Variants in TYMP observed in about 807,000 individuals in gnomAD.
TYMP encodes the protein thymidine phosphorylase.
A neutral mutation model predicts 42.3 loss-of-function variants in TYMP; 46 were observed. The observed-to-expected ratio is 1.09, with a 90% CI of 0.86 to 1.39. The LOEUF (loss-of-function observed/expected upper bound fraction) is 1.39, where lower values mean the gene tolerates loss of function less well. TYMP is among the 40% of genes most tolerant of loss of function. The probability of loss-of-function intolerance (pLI) is 0.00; values close to 1 mark genes in which losing one functional copy is unlikely to be tolerated. For missense variants in TYMP, 837 were observed against 677.6 expected, an observed-to-expected ratio of 1.24 and a Z score of -2.61; for synonymous variants, 363 against 308.0, an observed-to-expected ratio of 1.18 and a Z score of -1.87.
Position 50,528,256 on chromosome 22 carries a change from C to T in TYMP, c.516+256G>A, listed in dbSNP as rs117675268. ...CTGGGTTCAAGGGATCTGCCCTCTT[C>T]GGCCTCCCCAAGTGCTAGGACTACA... On this transcript the variant is annotated intron_variant, in intron 4 of 9. Coordinates refer to ENST00000252029, the MANE Select transcript of TYMP (RefSeq NM_001953.5). 6,538 of 543,216 alleles carry T rather than the reference C, an allele frequency of 0.012. 76 individuals carry two copies. Among genetic ancestry groups the T allele is most frequent in the Non-Finnish European group, 0.016 (4,611 of 295,890 alleles). The allele number at this position is 543,216 out of a possible 1,614,324, so 33.6% of individuals were successfully genotyped here.
intron 7 of TYMP, 47 bp from the exon 8 acceptor site, chr22:50,526,523 C>T (rs1294904905): frequency 1.3e-6 from 2 of 1,538,052 alleles, no homozygotes; most frequent in Admixed American, 2.0e-5. Flanking sequence ...GGGGCGGCCC[C>T]AGCGGGAAGC....
Position 50,529,298 on chromosome 22 carries a change from C to T in TYMP, c.255G>A (p.Leu85=), listed in dbSNP as rs746301557. 1.2e-6 allele frequency: 2 copies of T among 1,613,406 alleles called. No homozygotes were observed. Among genetic ancestry groups the T allele is most frequent in the African/African-American group, 1.3e-5 (1 of 75,046 alleles). The change falls in exon 3 of 10, where the codon CTG becomes CTA. Residue 85 remains leucine, a synonymous_variant. Coordinates refer to ENST00000252029, the MANE Select transcript of TYMP (RefSeq NM_001953.5). ...LMAIRLRGMD[L]EETSVLTQAL... is the part of the protein sequence containing the mutation. ...CCTGGGTCAGCACCGAGGTCTCCTC[C>T]AGATCCATGCCCCGAAGTCGGATGG...
intron 1 of TYMP, 45 bp from the exon 2 acceptor site, chr22:50,529,764 T>C: frequency 6.5e-7 from 1 of 1,539,436 alleles, no homozygotes; most frequent in African/African-American, 1.4e-5. Context: ...CCTCCCGGCG[T>C]CGGTGTCTGA....
intron 4 of TYMP, 82 bp downstream of exon 4, chr22:50,528,430 A>T: frequency 8.3e-7 from 1 of 1,211,220 alleles, no homozygotes; most frequent in Non-Finnish European, 1.2e-6. Context: ...GACCCTAATG[A>T]TCCACCAGTG....
chr22:50,529,680 C>T lies in TYMP; in HGVS notation c.30G>A (p.Gly10=), dbSNP rs762647784. 36 of 1,611,500 alleles carry T rather than the reference C, an allele frequency of 2.2e-5. No homozygotes were observed. The highest frequency in any genetic ancestry group is 6.6e-5 in the South Asian group (6 of 90,866). The change falls in exon 2 of 10, where the codon GGG becomes GGA. Residue 10 remains glycine, a synonymous_variant. Coordinates refer to ENST00000252029, the MANE Select transcript of TYMP (RefSeq NM_001953.5). ...AGAAGTCACCAGGCGCGGGTGGGGC[C>T]CCGGTTCCCGGGGTCATCAAGGCTG... MAALMTPGT[G]APPAPGDFSG... is the part of the protein sequence containing the mutation.
At chr22:50,530,079 G>T (rs1296509681), upstream of TYMP, 1 of 335,590 alleles carries the variant, frequency 3.0e-6, no homozygotes, top group African/African-American at 2.1e-5. Context: ...GCGGAGCTCG[G>T]CAGTCGCCGC....
At chr22:50,529,833 C>T (rs1242779930) in intron 1 of TYMP, 71 bp downstream of exon 1, 1 of 914,436 alleles carries the variant, frequency 1.1e-6, no homozygotes, top group South Asian at 1.7e-5. Flanking sequence ...CCCCTCGGTC[C>T]CGTGTCTGTG....
At chr22:50,526,217 G>T in intron 8 of TYMP, 29 bp downstream of exon 8, 2 of 1,504,500 alleles carry the variant, frequency 1.3e-6, no homozygotes, top group Non-Finnish European at 1.8e-6. Context: ...TGGCGGAGGC[G>T]GAAGGACGGG....
In TYMP at chr22:50,526,391, C is replaced by G. The variant is rs780790333; in HGVS notation, c.1014G>C (p.Ser338=). 4 of 1,523,082 alleles carry G rather than the reference C, an allele frequency of 2.6e-6. No individual in the cohort carries two copies. Among genetic ancestry groups the G allele is most frequent in the South Asian group, 2.4e-5 (2 of 82,602 alleles). The allele number at this position is 1,523,082 out of a possible 1,614,324, so 94.3% of individuals were successfully genotyped here. The change falls in exon 8 of 10, where the codon TCG becomes TCC. Residue 338 remains serine, a synonymous_variant. Coordinates refer to ENST00000252029, the MANE Select transcript of TYMP (RefSeq NM_001953.5). ...ARVAAALDDG[S]ALGRFERMLA... ...GCATCCGCTCGAAGCGGCCAAGGGCCGAGCCGTCGTCCAGCGCCGCGGCCA... is the reference window on the plus strand; with the variant it reads ...GCATCCGCTCGAAGCGGCCAAGGGCGGAGCCGTCGTCCAGCGCCGCGGCCA...
rs1475590048 is a variant in TYMP, at chr22:50,526,691, G to C, written c.813C>G (p.Thr271=). The C allele has an allele frequency of 6.5e-7, 1 of 1,543,786 alleles. No homozygotes were observed. The highest frequency in any genetic ancestry group is 1.4e-5 in the African/African-American group (1 of 73,238). The change falls in exon 7 of 10, where the codon ACC becomes ACG. Residue 271 remains threonine, a synonymous_variant. Coordinates refer to ENST00000252029, the MANE Select transcript of TYMP (RefSeq NM_001953.5). ...AGCGACCCAGGGGCTTGTCCATGGC[G>C]GTCAGCGCTGCCGCGACCCGAAGCC... ...SLGLRVAAAL[T]AMDKPLGRCV... is the part of the protein sequence containing the mutation.
Position 50,526,463 on chromosome 22 carries a change from G to C in TYMP, c.942C>G (p.Leu314=). 2 of 1,493,130 alleles carry C rather than the reference G, an allele frequency of 1.3e-6. No individual in the cohort carries two copies. The highest frequency in any genetic ancestry group is 1.8e-6 in the Non-Finnish European group (2 of 1,130,110). 92.5% of individuals were successfully genotyped at this position (1,493,130 alleles called of 1,614,324 possible). Reference sequence around the variant, plus strand: ...GAGTCCCCGCGTGTCCGCTGAGCCAGAGCAGGGCGCCCCCTGCGGGCGGGG... The same window carrying C: ...GAGTCCCCGCGTGTCCGCTGAGCCACAGCAGGGCGCCCCCTGCGGGCGGGG... ...DLVTTLGGAL[L]WLSGHAGTQA... The change falls in exon 8 of 10, where the codon CTC becomes CTG. Residue 314 remains leucine, a synonymous_variant. Coordinates refer to ENST00000252029, the MANE Select transcript of TYMP (RefSeq NM_001953.5).
At chr22:50,526,879 C>T in intron 6 of TYMP, 141 bp from the exon 7 acceptor site, 3 of 924,496 alleles carry the variant, frequency 3.2e-6, no homozygotes, top group South Asian at 1.6e-5. Flanking sequence ...GGGGAAGAGA[C>T]ACGAGTGAAG....
rs112723255 is a variant in TYMP at position 50,525,826 on chromosome 22, C to T, written c.1393G>A (p.Ala465Thr). ...AAGGGCGAGGGGGCGGCGAATGGCG[C>T]GCGGTCGGAGAGTACGAGCGCCTCC... The part of the protein sequence containing the change: ...LQEALVLSDR[A>T]PFAAPSPFAE... The change falls in exon 10 of 10, where the codon GCG becomes ACG. Residue 465 changes from alanine (A) to threonine (T), a missense_variant. Coordinates refer to ENST00000252029, the MANE Select transcript of TYMP (RefSeq NM_001953.5). 0.05 allele frequency: 80,113 copies of T among 1,609,694 alleles called. 2,263 individuals are homozygous for T. The highest frequency in any genetic ancestry group is 0.1 in the Middle Eastern group (621 of 5,958).
At position 50,529,902 on chromosome 22, in the gene TYMP, A is replaced by C. The variant is rs2069530725; in HGVS notation, c.-11+2T>G. 1.6e-6 allele frequency: 1 copy of C among 624,290 alleles called. No homozygotes were observed. 38.7% of individuals were successfully genotyped at this position (624,290 alleles called of 1,614,324 possible). On this transcript the variant is annotated splice_donor_variant, in intron 1 of 9. Coordinates refer to ENST00000252029, the MANE Select transcript of TYMP (RefSeq NM_001953.5). LOFTEE classifies it low-confidence loss of function (5UTR_SPLICE). The stretch of plus-strand genomic sequence containing the variant: ...GCCTCGCGACTTGAGCCCCGCCCGT[A>C]CCTGCTTAGGGCGCTGCCCTCGCCC...
Position 50,529,548 on chromosome 22 carries a change from G to T in TYMP, c.162C>A (p.Ile54=), listed in dbSNP as rs1064792858. Residue 54 remains isoleucine, a synonymous_variant, in exon 2 of 10, where the codon ATC becomes ATA. Coordinates refer to ENST00000252029, the MANE Select transcript of TYMP (RefSeq NM_001953.5). ...TCACCACAGCGGCCACGAAGCCCCT[G>T]ATGTCCGCTTCGCTCAGGCGGCCTC... is the stretch of plus-strand genomic sequence containing the variant. ...RDGGRLSEAD[I]RGFVAAVVNG... 6.2e-7 allele frequency: 1 copy of T among 1,613,156 alleles called. No individual in the cohort carries two copies. The highest frequency in any genetic ancestry group is 8.5e-7 in the Non-Finnish European group (1 of 1,179,940).
rs758303113 is a variant in TYMP, at chr22:50,529,260, G to A, written c.293C>T (p.Ser98Leu). 1.9e-6 allele frequency: 3 copies of A among 1,613,276 alleles called. No individual in the cohort carries two copies. Among genetic ancestry groups the A allele is most frequent in the Non-Finnish European group, 1.7e-6 (2 of 1,179,994 alleles). Residue 98 changes from serine to leucine, a missense_variant, in exon 3 of 10, where the codon TCG (serine) becomes TTG (leucine). Coordinates refer to ENST00000252029, the MANE Select transcript of TYMP (RefSeq NM_001953.5). ...CTCTGGCCACTCCAGCTGCTGTCCC[G>A]ACTGAGCCAGGGCCTGGGTCAGCAC... Reference protein sequence around the residue: ...TSVLTQALAQSGQQLEWPEAW... With the variant: ...TSVLTQALAQLGQQLEWPEAW...
intron 4 of TYMP, 51 bp from the exon 5 acceptor site, chr22:50,527,768 C>CTTT (rs131803): frequency 1.9e-4 from 232 of 1,227,650 alleles, no homozygotes; most frequent in South Asian, 3.8e-4. Flanking sequence ...GACTTAGCAG[C>CTTT]TTTTTTTTTT....
Position 50,526,622 on chromosome 22 carries a change from C to A in TYMP, c.882G>T (p.Met294Ile). ...ALEVEEALLC[M>I]DGAGPPDLRD... The stretch of plus-strand genomic sequence containing the variant: ...TTAAGTCTGGCGGGCCTGCGCCGTC[C>A]ATGCAGAGCAGCGCCTCCTCCACCT... The change falls in exon 7 of 10, where the codon ATG becomes ATT. Residue 294 changes from methionine to isoleucine, a missense_variant. Physicochemically the swap from Met to Ile is conservative, Grantham distance 10. Transcript: ENST00000252029. 6.3e-7 allele frequency: 1 copy of A among 1,577,734 alleles called. No individual in the cohort carries two copies. The highest frequency in any genetic ancestry group is 8.6e-7 in the Non-Finnish European group (1 of 1,163,270).
rs772496227 is a variant in TYMP, at chr22:50,529,358, G to A, written c.215-20C>T. 4 of 1,612,356 alleles carry A rather than the reference G, an allele frequency of 2.5e-6. No homozygotes were observed. Among genetic ancestry groups the A allele is most frequent in the Admixed American group, 1.7e-5 (1 of 59,992 alleles). On this transcript the variant is annotated intron_variant, in intron 2 of 9. Transcript: ENST00000252029. ...TGGCCCCTGGTATGTGGGGGTACGC[G>A]TGAGGGTGGCAGCCCACAGCGGTGG...
Sources: gnomAD v4.1 joint callset for allele counts on GRCh38, gnomAD v4.1.1 for gene constraint, MANE v1.5 for transcripts, NCBI Gene and HGNC (gene_info 2026-07-23, HGNC 2026-07-21) for gene names.